The following CUL1 variants were observed in gnomAD, a reference collection of about 807,000 sequenced individuals.
CUL1 encodes cullin 1, also known as cullin-1.
CUL1 carries 24 observed loss-of-function variants against 118.0 expected under a neutral mutation model. The observed-to-expected ratio is 0.20, with a 90% CI of 0.15 to 0.29. The LOEUF is 0.29. Among genes scored for constraint, CUL1 ranks in the 10% least tolerant of loss-of-function variants. The pLI, the probability that CUL1 is intolerant of heterozygous loss-of-function variation, is 1.00. For missense variants in CUL1, 361 were observed against 933.8 expected (o/e 0.39, Z 7.99); for synonymous variants, 332 against 340.4 (o/e 0.98, Z 0.27).
rs145563536 is a variant in CUL1 at position 148,797,823 on chromosome 7, G to A, written c.1911G>A (p.Ala637=). The A allele has an allele frequency of 3.3e-5, 53 of 1,612,552 alleles. No homozygotes were observed. Among genetic ancestry groups the A allele is most frequent in the Admixed American group, 6.7e-5 (4 of 59,846 alleles). Residue 637 remains alanine, a synonymous_variant, in exon 18 of 22, where the codon GCG becomes GCA. Coordinates refer to ENST00000325222, the MANE Select transcript of CUL1 (RefSeq NM_003592.3). ...DSTQIKMDIL[A]QVLQILLKSK... ...CTCTTTAATTGCAGGACATTTTGGC[G>A]CAAGTTTTACAGATTTTATTAAAGT... is the stretch of plus-strand genomic sequence containing the variant.
intron 9 of CUL1, among the ~76,000 whole-genome samples, chr7:148,773,258 T>G (rs1165149264): frequency 6.6e-6 from 1 of 152,128 alleles, no homozygotes; most frequent in African/African-American, 2.4e-5. Context: ...GAACCCTGTC[T>G]TCCAGTGAAA....
At chr7:148,763,086 G>T (rs1002541429) in intron 7 of CUL1, among the ~76,000 whole-genome samples, 6 of 152,118 alleles carry the variant, frequency 3.9e-5, no homozygotes, top group Non-Finnish European at 7.4e-5. Flanking sequence ...GGCGGAGGTT[G>T]CAGTGAGCCG....
At chr7:148,793,579 G>C (rs1448282231) in intron 17 of CUL1, among the ~76,000 whole-genome samples, 1 of 152,164 alleles carries the variant, frequency 6.6e-6, no homozygotes, top group Non-Finnish European at 1.5e-5. Context: ...CTTTCCCTCA[G>C]TGTATACTGT....
At chr7:148,786,075 A>G (rs1482395792) in intron 11 of CUL1, among the ~76,000 whole-genome samples, 1 of 152,212 alleles carries the variant, frequency 6.6e-6, no homozygotes, top group East Asian at 1.9e-4. Flanking sequence ...TTAAAGGACA[A>G]TCATCTCTTG....
chr7:148,722,903 CATCATGCCCTA>C (rs1170791248), intron 1 of CUL1, among the ~76,000 whole-genome samples: 1 of 152,248 alleles, frequency 6.6e-6, no homozygotes, highest in Non-Finnish European at 1.5e-5. Context: ...GCCTGGTTGG[CATCATGCCCTA>C]ATCATGCCCT....
chr7:148,800,579 T>A lies in CUL1; in HGVS notation c.2328T>A (p.Ala776=). The change falls in exon 22 of 22, where the codon GCT becomes GCA. Residue 776 remains alanine, a synonymous_variant. Transcript: ENST00000325222. The surrounding 1 kb of genome is among the most constrained non-coding windows in gnomAD (Gnocchi z 4.6). ...DGEKDTYSYL[A] is the part of the protein sequence containing the mutation. Reference sequence around the variant, plus strand: ...AAAAGGACACCTACAGTTACTTGGCTTAACCCTTCTGGAAGGGTCTGACTG... The same window carrying A: ...AAAAGGACACCTACAGTTACTTGGCATAACCCTTCTGGAAGGGTCTGACTG... The A allele has an allele frequency of 3.1e-6, 5 of 1,611,684 alleles. No individual in the cohort carries two copies. The highest frequency in any genetic ancestry group is 3.4e-6 in the Non-Finnish European group (4 of 1,177,806).
In CUL1 at chr7:148,721,136, G is replaced by A. The variant is rs147706567; in HGVS notation, c.-161-8826G>A. The stretch of plus-strand genomic sequence containing the variant: ...TGAGTGGCTTAGAGTATCCTTTAAC[G>A]TGCTAAATTGTTTTCTTATGTATGT... On this transcript the variant is annotated intron_variant, in intron 1 of 21. Coordinates refer to ENST00000325222, the MANE Select transcript of CUL1 (RefSeq NM_003592.3). Among the ~76,000 whole-genome samples the A allele has an allele frequency of 5.1e-3, 776 of 152,242 alleles. 2 individuals carry two copies. Among genetic ancestry groups the A allele is most frequent in the Non-Finnish European group, 7.3e-3 (499 of 68,012 alleles).
rs75598643 is a variant in CUL1, at chr7:148,770,673, C to T, written c.1083+2924C>T. Among the ~76,000 whole-genome samples, 48 of 152,304 alleles carry T rather than the reference C, an allele frequency of 3.2e-4. No homozygotes were observed. In the East Asian group the frequency reaches 4.8e-3, roughly 15 times the overall value. ...TGGGCTCACACTTGCCACCTCCATT[C>T]GCCATCTCTGGGAAAGCCCACAGAA... On this transcript the variant is annotated intron_variant, in intron 9 of 21. Coordinates refer to ENST00000325222, the MANE Select transcript of CUL1 (RefSeq NM_003592.3).
chr7:148,736,280 TTC>T (rs1798938411), intron 2 of CUL1, among the ~76,000 whole-genome samples: 1 of 152,174 alleles, frequency 6.6e-6, no homozygotes, highest in Non-Finnish European at 1.5e-5. Context: ...GCTGTGATCT[TTC>T]TGGAGGGAAA....
chr7:148,743,264 G>A (rs1799203606), intron 2 of CUL1, among the ~76,000 whole-genome samples: 1 of 152,178 alleles, frequency 6.6e-6, no homozygotes, highest in African/African-American at 2.4e-5. Context: ...AGATGGTGAT[G>A]TGCTGGAGCT....
chr7:148,703,529 T>G (rs185860103), intron 1 of CUL1, among the ~76,000 whole-genome samples: 26 of 134,506 alleles, frequency 1.9e-4, no homozygotes, highest in Middle Eastern at 8.6e-3. Context: ...GGTTTTTTTG[T>G]TTTTTGTTTT....
intron 1 of CUL1, among the ~76,000 whole-genome samples, chr7:148,724,916 T>G (rs1051615166): frequency 1.3e-5 from 2 of 152,198 alleles, no homozygotes; most frequent in Non-Finnish European, 2.9e-5. Context: ...CTATGAGACA[T>G]GATTTATGAG....
chr7:148,790,741 C>T (rs1288708867), intron 16 of CUL1, among the ~76,000 whole-genome samples: 1 of 152,162 alleles, frequency 6.6e-6, no homozygotes, highest in African/African-American at 2.4e-5. Context: ...AAGTGTTTGG[C>T]ACCGCTCCTG....
chr7:148,760,241 A>G (rs553661956), intron 6 of CUL1, 92 bp from the exon 7 acceptor site: 3 of 1,061,840 alleles, frequency 2.8e-6, no homozygotes, highest in African/African-American at 3.2e-5. Context: ...CCTTTTAAAC[A>G]TAACTTAAAC....
chr7:148,760,644 C>T, intron 7 of CUL1, 148 bp downstream of exon 7: 1 of 557,972 alleles, frequency 1.8e-6, no homozygotes, highest in South Asian at 2.9e-5. Context: ...AGTGCTTCTC[C>T]TAATTCTCCA....
intron 2 of CUL1, among the ~76,000 whole-genome samples, chr7:148,742,765 C>T (rs982084340): frequency 2.6e-5 from 4 of 151,928 alleles, no homozygotes; most frequent in African/African-American, 9.7e-5. Flanking sequence ...CCACGCCCAG[C>T]TAATTTTTGT....
In CUL1 at chr7:148,799,299, A is replaced by T. The variant is rs759426268; in HGVS notation, c.2161A>T (p.Met721Leu). ...GGCGGCCATCGTGAGAATCATGAAG[A>T]TGAGGAAGGTTCTGAAACACCAGCA... ...IQAAIVRIMK[M>L]RKVLKHQQLL... The change falls in exon 21 of 22, where the codon ATG becomes TTG. Residue 721 changes from methionine to leucine, a missense_variant. Met to Leu is a conservative substitution (Grantham distance 15, BLOSUM62 2). Coordinates refer to ENST00000325222, the MANE Select transcript of CUL1 (RefSeq NM_003592.3). 6.2e-7 allele frequency: 1 copy of T among 1,614,036 alleles called. No individual in the cohort carries two copies. Among genetic ancestry groups the T allele is most frequent in the Admixed American group, 1.7e-5 (1 of 60,008 alleles).
At chr7:148,735,096 A>G (rs1727452973) in intron 2 of CUL1, among the ~76,000 whole-genome samples, 2 of 152,178 alleles carry the variant, frequency 1.3e-5, no homozygotes, top group African/African-American at 4.8e-5. Context: ...GGTTGATTTG[A>G]GAATCATTCA....
intron 1 of CUL1, among the ~76,000 whole-genome samples, chr7:148,714,615 AGTCT>A (rs138315323): frequency 1.7e-4 from 26 of 152,260 alleles, no homozygotes; most frequent in African/African-American, 5.3e-4. Flanking sequence ...GCTGGTTTGG[AGTCT>A]GTCTGTCTTC....
Sources: gnomAD v4.1 joint callset for allele counts (sites outside exome capture counted in the v4.1 genomes callset) on GRCh38, gnomAD v4.1.1 for gene constraint, Gnocchi (gnomAD v3.1) non-coding constraint, MANE v1.5 for transcripts, NCBI Gene and HGNC (gene_info 2026-07-23, HGNC 2026-07-21) for gene names.